DDI2: variants seen among roughly 807,000 people sequenced by gnomAD.
The protein encoded by DDI2 is DDI proteasomal shuttling factor 2, also known as protein DDI1 homolog 2.
In DDI2, 5 loss-of-function variants were observed where a neutral mutation model predicts 48.1. The ratio of observed to expected loss-of-function variants is 0.10; its 90% CI spans 0.05 to 0.22. DDI2 has a LOEUF of 0.22. Among genes scored for constraint, DDI2 ranks in the 10% least tolerant of loss-of-function variants. The pLI, the probability that DDI2 is intolerant of heterozygous loss-of-function variation, is 1.00. For missense variants in DDI2, 285 were observed against 506.2 expected, an observed-to-expected ratio of 0.56 and a Z score of 4.19; for synonymous variants, 205 against 183.6, an observed-to-expected ratio of 1.12 and a Z score of -0.94.
intron 1 of DDI2, among the ~76,000 whole-genome samples, chr1:15,621,667 T>C (rs1042567600): frequency 6.6e-6 from 1 of 152,202 alleles, no homozygotes; most frequent in African/African-American, 2.4e-5. Context: ...ATTACAGGCG[T>C]GAGCCACCGC....
At chr1:15,648,166 G>T (rs1270163945) in intron 6 of DDI2, among the ~76,000 whole-genome samples, 1 of 152,158 alleles carries the variant, frequency 6.6e-6, no homozygotes, top group Admixed American at 6.5e-5. Context: ...CCTAAACACA[G>T]TAGGACTAAG....
intron 6 of DDI2, among the ~76,000 whole-genome samples, chr1:15,647,286 T>C (rs988904061): frequency 6.6e-6 from 1 of 152,054 alleles, no homozygotes; most frequent in African/African-American, 2.4e-5. Flanking sequence ...TAGCTGGGAT[T>C]ACAGGCACCT....
At chr1:15,658,089 CTAA>C (rs1640298128) in intron 9 of DDI2, among the ~76,000 whole-genome samples, 1 of 152,094 alleles carries the variant, frequency 6.6e-6, no homozygotes, top group African/African-American at 2.4e-5. Flanking sequence ...TGCATCTGTC[CTAA>C]TAATAGATTG....
chr1:15,656,467 T>C, intron 8 of DDI2, 150 bp from the exon 9 acceptor site: 6 of 1,532,874 alleles, frequency 3.9e-6, no homozygotes, highest in Admixed American at 2.1e-5. Context: ...ACAAATATTT[T>C]GGATGTCCAA....
intron 1 of DDI2, among the ~76,000 whole-genome samples, chr1:15,622,425 A>C (rs79767050): frequency 0.018 from 2,689 of 152,318 alleles, 40 homozygotes; most frequent in Non-Finnish European, 0.024. Flanking sequence ...CATGCTTAAA[A>C]GTTCTGAAGT....
At chr1:15,642,164 C>G (rs1045054120) in intron 5 of DDI2, among the ~76,000 whole-genome samples, 3 of 152,098 alleles carry the variant, frequency 2.0e-5, no homozygotes, top group African/African-American at 7.2e-5. Flanking sequence ...AGTTTTATGC[C>G]TGTTGGCTTT....
intron 9 of DDI2, chr1:15,656,898 A>G: frequency 1.9e-6 from 1 of 514,728 alleles, no homozygotes; most frequent in Non-Finnish European, 3.3e-6. Flanking sequence ...GAACCATCCA[A>G]CAGGGAGAAA....
At chr1:15,631,540 T>C (rs1639843535) in intron 3 of DDI2, among the ~76,000 whole-genome samples, 1 of 152,230 alleles carries the variant, frequency 6.6e-6, no homozygotes, top group African/African-American at 2.4e-5. Context: ...CATTCCTCAA[T>C]TGACTGTCTT....
chr1:15,636,199 A>G (rs1639924023), intron 4 of DDI2, among the ~76,000 whole-genome samples: 1 of 151,992 alleles, frequency 6.6e-6, no homozygotes, highest in Non-Finnish European at 1.5e-5. Context: ...TGGCACGATC[A>G]TGGCTCATAG....
intron 8 of DDI2, among the ~76,000 whole-genome samples, chr1:15,652,615 A>G (rs1416977607): frequency 6.6e-6 from 1 of 151,572 alleles, no homozygotes; most frequent in African/African-American, 2.4e-5. Flanking sequence ...CGAGGTCAGG[A>G]GATGGAGACC....
At position 15,662,708 on chromosome 1, in the gene DDI2, G is replaced by A. The variant is rs1206571868; in HGVS notation, c.*2918G>A. 6.6e-6 allele frequency: 1 copy of A among 152,198 alleles called. No individual in the cohort carries two copies. Among genetic ancestry groups the A allele is most frequent in the Non-Finnish European group, 1.5e-5 (1 of 68,038 alleles). 9.4% of individuals were successfully genotyped at this position (152,198 alleles called of 1,614,324 possible). On this transcript the variant is annotated 3_prime_UTR_variant, in exon 10 of 10. Transcript: ENST00000480945. ...CCAGGAAGTTCTTCAAACGCTCAGT[G>A]TGAGCTGTGATCTGAGTGAAATACT... is the stretch of plus-strand genomic sequence containing the variant.
chr1:15,660,233 A>C lies in DDI2; in HGVS notation c.*443A>C. 2 of 1,614,204 alleles carry C rather than the reference A, an allele frequency of 1.2e-6. No individual in the cohort carries two copies. The highest frequency in any genetic ancestry group is 2.2e-5 in the South Asian group (2 of 91,080). Reference sequence around the variant, plus strand: ...GCTGAAAGAAGCACCCAGGGCCTCAAATTTCATCTCCATACAAGACAGGAA... The same window carrying C: ...GCTGAAAGAAGCACCCAGGGCCTCACATTTCATCTCCATACAAGACAGGAA... On this transcript the variant is annotated 3_prime_UTR_variant, in exon 10 of 10. Transcript: ENST00000480945.
At chr1:15,636,164 C>T (rs1178657025) in intron 4 of DDI2, among the ~76,000 whole-genome samples, 1 of 152,086 alleles carries the variant, frequency 6.6e-6, no homozygotes, top group East Asian at 1.9e-4. Context: ...GAGACAGGGC[C>T]TCCGACGTTT....
intron 9 of DDI2, among the ~76,000 whole-genome samples, chr1:15,659,195 C>G (rs957305153): frequency 7.9e-5 from 12 of 152,160 alleles, no homozygotes; most frequent in Admixed American, 7.9e-4. Flanking sequence ...TGTCCCCAAG[C>G]ATTATGTTAT....
At chr1:15,637,367 A>G (rs1639944964) in intron 4 of DDI2, among the ~76,000 whole-genome samples, 1 of 151,952 alleles carries the variant, frequency 6.6e-6, no homozygotes, top group Non-Finnish European at 1.5e-5. Flanking sequence ...GAACCACTGC[A>G]CCTGGCATGT....
intron 3 of DDI2, 42 bp downstream of exon 3, chr1:15,630,603 T>G (rs777375861): frequency 9.5e-6 from 13 of 1,363,376 alleles, no homozygotes; most frequent in Non-Finnish European, 1.4e-5. Flanking sequence ...TGGCCTGAGG[T>G]GAAGAAGCTG....
rs1458751098 is a variant in DDI2 at position 15,661,211 on chromosome 1, G to A, written c.*1421G>A. 6.8e-6 allele frequency: 11 copies of A among 1,614,066 alleles called. No homozygotes were observed. Among genetic ancestry groups the A allele is most frequent in the Non-Finnish European group, 6.8e-6 (8 of 1,180,040 alleles). ...GCTGTAGAAAATGTAAACTTCAGGAGTCTAGGTGATGGCCTGTCAACCGAT... is the reference window on the plus strand; with the variant it reads ...GCTGTAGAAAATGTAAACTTCAGGAATCTAGGTGATGGCCTGTCAACCGAT... On this transcript the variant is annotated 3_prime_UTR_variant, in exon 10 of 10. Coordinates refer to ENST00000480945, the MANE Select transcript of DDI2 (RefSeq NM_032341.5).
chr1:15,640,581 C>CTT (rs1360591744), intron 5 of DDI2, among the ~76,000 whole-genome samples: 2 of 152,196 alleles, frequency 1.3e-5, no homozygotes, highest in African/African-American at 2.4e-5. Context: ...TCAGGAGAGT[C>CTT]TTTCCAGAAG....
chr1:15,623,045 A>T (rs1639694893), intron 1 of DDI2, among the ~76,000 whole-genome samples: 1 of 152,224 alleles, frequency 6.6e-6, no homozygotes, highest in Non-Finnish European at 1.5e-5. Flanking sequence ...TTGTTAGATC[A>T]TGCTGCCTTC....
Sources: gnomAD v4.1 joint callset for allele counts (sites outside exome capture counted in the v4.1 genomes callset) on GRCh38, gnomAD v4.1.1 for gene constraint, MANE v1.5 for transcripts, NCBI Gene and HGNC (gene_info 2026-07-23, HGNC 2026-07-21) for gene names.